Variants in CNTN6 observed in about 807,000 individuals in gnomAD.
CNTN6 encodes contactin-6.
A neutral mutation model predicts 122.8 loss-of-function variants in CNTN6; 137 were observed. The ratio of observed to expected loss-of-function variants is 1.12; its 90% CI spans 0.97 to 1.29. CNTN6 has a LOEUF of 1.29. Ranked by LOEUF, CNTN6 falls within the 50% of genes most tolerant of loss-of-function variation. CNTN6 has a pLI of 0.00. For missense variants in CNTN6, 1,634 were observed against 1,223.4 expected, an observed-to-expected ratio of 1.34 and a Z score of -5.01; for synonymous variants, 570 against 426.0, an observed-to-expected ratio of 1.34 and a Z score of -4.16.
intron 1 of CNTN6, among the ~76,000 whole-genome samples, chr3:1,143,392 G>T (rs955951650): frequency 4.6e-5 from 7 of 152,020 alleles, no homozygotes; most frequent in Non-Finnish European, 1.0e-4. Flanking sequence ...CAAAATGCTG[G>T]TGATACATTT....
chr3:1,298,265 C>A, intron 7 of CNTN6: 2 of 306,484 alleles, frequency 6.5e-6, no homozygotes, highest in Non-Finnish European at 1.2e-5. Flanking sequence ...TTAGGCAGCA[C>A]ATTGCAAGGG....
intron 2 of CNTN6, among the ~76,000 whole-genome samples, chr3:1,168,264 G>GA (rs564197212): frequency 2.0e-5 from 3 of 151,348 alleles, no homozygotes; most frequent in South Asian, 2.1e-4. Context: ...CCGACTTTCA[G>GA]AAAAAAATAT....
At chr3:1,286,602 AT>A (rs1227259875) in intron 5 of CNTN6, among the ~76,000 whole-genome samples, 1 of 152,204 alleles carries the variant, frequency 6.6e-6, no homozygotes, top group Non-Finnish European at 1.5e-5. Context: ...ACAGTCTATC[AT>A]TGATAGATAG....
chr3:1,330,357 C>T (rs911509027), intron 11 of CNTN6, among the ~76,000 whole-genome samples: 1 of 151,784 alleles, frequency 6.6e-6, no homozygotes, highest in African/African-American at 2.4e-5. Context: ...AATGAATTCA[C>T]CACATGAAGA....
intron 5 of CNTN6, among the ~76,000 whole-genome samples, chr3:1,281,673 C>T (rs1431176531): frequency 6.6e-6 from 1 of 151,920 alleles, no homozygotes; most frequent in Non-Finnish European, 1.5e-5. Context: ...CTTCTGACCT[C>T]GTGATCTGCC....
intron 7 of CNTN6, among the ~76,000 whole-genome samples, chr3:1,311,308 C>T (rs34506709): frequency 0.2 from 25,265 of 124,404 alleles, 3,294 homozygotes; most frequent in African/African-American, 0.45. Context: ...CGTATATGTA[C>T]ATATAAAATG....
At chr3:1,145,619 C>G (rs1033317008) in intron 1 of CNTN6, among the ~76,000 whole-genome samples, 2 of 152,080 alleles carry the variant, frequency 1.3e-5, no homozygotes, top group Non-Finnish European at 2.9e-5. Flanking sequence ...TGGAAACTGT[C>G]CAGTGAAAAC....
chr3:1,346,216 G>C (rs115089091), intron 11 of CNTN6, among the ~76,000 whole-genome samples: 1,883 of 152,222 alleles, frequency 0.012, 43 homozygotes, highest in African/African-American at 0.043. Context: ...AATCTCTATT[G>C]TATTGAAATA....
intron 1 of CNTN6, among the ~76,000 whole-genome samples, chr3:1,135,302 G>T (rs1196375219): frequency 1.3e-5 from 2 of 152,048 alleles, no homozygotes; most frequent in Non-Finnish European, 2.9e-5. Context: ...TCCTCCCAAG[G>T]CGACTCCTAT....
chr3:1,102,069 A>G (rs1215690500), intron 1 of CNTN6, among the ~76,000 whole-genome samples: 2 of 152,290 alleles, frequency 1.3e-5, no homozygotes, highest in South Asian at 2.1e-4. Flanking sequence ...ATCAAATAAG[A>G]TATTTGGTGA....
intron 11 of CNTN6, among the ~76,000 whole-genome samples, chr3:1,330,173 G>C (rs758301596): frequency 2.6e-5 from 4 of 151,854 alleles, no homozygotes; most frequent in Non-Finnish European, 4.4e-5. Flanking sequence ...ACTTGTAATA[G>C]ATTTTTAAAA....
intron 4 of CNTN6, among the ~76,000 whole-genome samples, chr3:1,251,844 T>G (rs1319877784): frequency 6.6e-6 from 1 of 152,164 alleles, no homozygotes; most frequent in East Asian, 1.9e-4. Flanking sequence ...TTTAATATAA[T>G]TTATGTTATA....
At position 1,254,426 on chromosome 3, in the gene CNTN6, C is replaced by T. The variant is rs78281048; in HGVS notation, c.359-23987C>T. On this transcript the variant is annotated intron_variant, in intron 4 of 22. Coordinates refer to ENST00000446702, the MANE Select transcript of CNTN6 (RefSeq NM_001289080.2). ...TCATTGGATTAATGAAAGAAGTTTACTTCGTTTCAACGAAGGAATGAGAAT... is the reference window on the plus strand; with the variant it reads ...TCATTGGATTAATGAAAGAAGTTTATTTCGTTTCAACGAAGGAATGAGAAT... 5.9e-3 allele frequency among the ~76,000 whole-genome samples: 902 copies of T among 152,280 alleles called. 7 individuals carry two copies. The highest frequency in any genetic ancestry group is 0.019 in the African/African-American group (810 of 41,548).
intron 2 of CNTN6, among the ~76,000 whole-genome samples, chr3:1,152,988 T>C (rs1160937215): frequency 6.6e-6 from 1 of 152,222 alleles, no homozygotes; most frequent in African/African-American, 2.4e-5. Flanking sequence ...TTCTGCCTAA[T>C]GTATTCTCTT....
At chr3:1,290,916 C>G (rs868753039) in intron 5 of CNTN6, among the ~76,000 whole-genome samples, 2 of 152,236 alleles carry the variant, frequency 1.3e-5, no homozygotes, top group South Asian at 4.1e-4. Context: ...AAGGTCTTTA[C>G]GATCTGTATC....
chr3:1,281,967 G>A (rs1158210500), intron 5 of CNTN6, among the ~76,000 whole-genome samples: 1 of 137,046 alleles, frequency 7.3e-6, no homozygotes, highest in East Asian at 2.3e-4. Flanking sequence ...ATATTTTAGT[G>A]TGATATATAT....
intron 4 of CNTN6, among the ~76,000 whole-genome samples, chr3:1,274,993 A>C (rs905490480): frequency 1.3e-5 from 2 of 152,158 alleles, no homozygotes; most frequent in African/African-American, 4.8e-5. Flanking sequence ...GAAAAATTTG[A>C]AACCAGCACC....
intron 4 of CNTN6, among the ~76,000 whole-genome samples, chr3:1,273,303 T>C (rs1691713434): frequency 6.6e-6 from 1 of 152,212 alleles, no homozygotes; most frequent in Admixed American, 6.5e-5. Flanking sequence ...CAGAGAACGA[T>C]CTCATTCTAA....
chr3:1,227,732 T>G, intron 3 of CNTN6, 86 bp from the exon 4 acceptor site: 3 of 1,373,264 alleles, frequency 2.2e-6, no homozygotes, highest in Non-Finnish European at 3.0e-6. Flanking sequence ...TTTTTATAGT[T>G]GCAGGAATTA....
Sources: gnomAD v4.1 joint callset for allele counts (sites outside exome capture counted in the v4.1 genomes callset) on GRCh38, gnomAD v4.1.1 for gene constraint, MANE v1.5 for transcripts, NCBI Gene and HGNC (gene_info 2026-07-23, HGNC 2026-07-21) for gene names.